Variants in DCC observed in about 807,000 individuals in gnomAD.
DCC encodes the protein DCC netrin 1 receptor, also known as netrin receptor DCC.
A neutral mutation model predicts 172.5 loss-of-function variants in DCC; 58 were observed. That is an observed-to-expected ratio of 0.34 (90% CI 0.27 to 0.42). DCC has a LOEUF of 0.42. Among genes scored for constraint, DCC ranks in the 10% least tolerant of loss-of-function variants. The pLI, the probability that DCC is intolerant of heterozygous loss-of-function variation, is 1.00. For missense variants in DCC, 1,740 were observed against 1,791.0 expected, an observed-to-expected ratio of 0.97 and a Z score of 0.51; for synonymous variants, 709 against 644.5, an observed-to-expected ratio of 1.10 and a Z score of -1.52.
At chr18:52,510,848 G>C (rs1337371356) in intron 1 of DCC, among the ~76,000 whole-genome samples, 1 of 152,048 alleles carries the variant, frequency 6.6e-6, no homozygotes, top group Non-Finnish European at 1.5e-5. Context: ...TTTCTGTATG[G>C]TGAACTCAGC....
chr18:52,730,117 A>G (rs2036615005), intron 1 of DCC, among the ~76,000 whole-genome samples: 1 of 152,204 alleles, frequency 6.6e-6, no homozygotes, highest in Admixed American at 6.5e-5. Flanking sequence ...AAAAATGAAT[A>G]TTACCTATGA....
At position 52,865,101 on chromosome 18, in the gene DCC, G is replaced by A. The variant is rs908427437; in HGVS notation, c.413-40943G>A. Reference sequence around the variant, plus strand: ...AGGATGGTCTTGATCTCCTGACCTCGTGATCCTCCCGCCTTGGCCTCCCAA... The same window carrying A: ...AGGATGGTCTTGATCTCCTGACCTCATGATCCTCCCGCCTTGGCCTCCCAA... On this transcript the variant is annotated intron_variant, in intron 2 of 28. Coordinates refer to ENST00000442544, the MANE Select transcript of DCC (RefSeq NM_005215.4). Among the ~76,000 whole-genome samples the A allele has an allele frequency of 3.7e-4, 57 of 152,042 alleles. 1 individual carries two copies. The highest frequency in any genetic ancestry group is 4.6e-4 in the Admixed American group (7 of 15,282).
chr18:52,935,751 G>T (rs1019182149), intron 5 of DCC, among the ~76,000 whole-genome samples: 3 of 152,022 alleles, frequency 2.0e-5, no homozygotes, highest in African/African-American at 7.2e-5. Context: ...TGAGTTTTAG[G>T]TTTAGGCTCT....
intron 12 of DCC, among the ~76,000 whole-genome samples, chr18:53,223,820 G>A (rs540186902): frequency 6.6e-6 from 1 of 152,110 alleles, no homozygotes; most frequent in Admixed American, 6.6e-5. Flanking sequence ...ACATTAACAC[G>A]AGCTATTTTA....
intron 1 of DCC, among the ~76,000 whole-genome samples, chr18:52,737,968 C>T (rs2036754498): frequency 6.6e-6 from 1 of 152,202 alleles, no homozygotes; most frequent in African/African-American, 2.4e-5. Flanking sequence ...GACTACAGCC[C>T]AAAGGAGGGC....
intron 1 of DCC, among the ~76,000 whole-genome samples, chr18:52,715,411 T>A (rs2036363771): frequency 6.6e-6 from 1 of 151,934 alleles, no homozygotes; most frequent in Non-Finnish European, 1.5e-5. Context: ...GTGATTCTTG[T>A]GCCTCAGCCT....
At chr18:53,387,088 A>T (rs1395142272) in intron 16 of DCC, among the ~76,000 whole-genome samples, 10 of 152,216 alleles carry the variant, frequency 6.6e-5, no homozygotes, top group Admixed American at 6.5e-4. Context: ...GATAGCAAGC[A>T]TCGGAGAACG....
chr18:52,710,232 G>T (rs986872057), intron 1 of DCC, among the ~76,000 whole-genome samples: 1 of 152,140 alleles, frequency 6.6e-6, no homozygotes, highest in Non-Finnish European at 1.5e-5. Context: ...CAGTATAATC[G>T]TAAGACAGAA....
intron 20 of DCC, among the ~76,000 whole-genome samples, chr18:53,415,195 A>G (rs1018595291): frequency 9.8e-5 from 15 of 152,304 alleles, no homozygotes; most frequent in Middle Eastern, 3.4e-3. Flanking sequence ...CTGATGAGAG[A>G]CTGTATTATC....
intron 3 of DCC, among the ~76,000 whole-genome samples, chr18:52,919,426 T>C (rs927943692): frequency 6.6e-6 from 1 of 152,204 alleles, no homozygotes; most frequent in African/African-American, 2.4e-5. Flanking sequence ...CTATTTGAAC[T>C]TATCAAATGA....
intron 2 of DCC, among the ~76,000 whole-genome samples, chr18:52,790,090 A>G (rs2037731423): frequency 6.6e-6 from 1 of 152,166 alleles, no homozygotes; most frequent in African/African-American, 2.4e-5. Flanking sequence ...TCACCCAGGA[A>G]CTGACTTAGC....
intron 1 of DCC, among the ~76,000 whole-genome samples, chr18:52,515,928 G>GAAA (rs34820684): frequency 1.1e-3 from 124 of 115,046 alleles, no homozygotes; most frequent in African/African-American, 4.0e-3. Context: ...TTAGAAAATG[G>GAAA]AAAAAAAAAA....
At chr18:53,238,274 G>A (rs547432911) in intron 12 of DCC, among the ~76,000 whole-genome samples, 3 of 152,176 alleles carry the variant, frequency 2.0e-5, no homozygotes, top group Admixed American at 2.0e-4. Flanking sequence ...GGTGAATCAT[G>A]ACTCCTAGAA....
At chr18:52,708,415 C>T (rs981388905) in intron 1 of DCC, among the ~76,000 whole-genome samples, 10 of 147,590 alleles carry the variant, frequency 6.8e-5, no homozygotes, top group African/African-American at 2.5e-4. Context: ...GCACTCCAGC[C>T]TGGGCAATAG....
chr18:53,249,036 CTG>C (rs1250181794), intron 12 of DCC, among the ~76,000 whole-genome samples: 1 of 151,924 alleles, frequency 6.6e-6, no homozygotes, highest in African/African-American at 2.4e-5. Context: ...TAGAGTTAGT[CTG>C]TATTCCTTTC....
chr18:52,844,470 G>C (rs770515353), intron 2 of DCC, among the ~76,000 whole-genome samples: 8 of 152,152 alleles, frequency 5.3e-5, no homozygotes, highest in Non-Finnish European at 1.2e-4. Flanking sequence ...CACACACATA[G>C]TAATTGGCCT....
At chr18:53,004,521 T>G (rs866299341) in intron 5 of DCC, among the ~76,000 whole-genome samples, 2 of 152,172 alleles carry the variant, frequency 1.3e-5, no homozygotes, top group South Asian at 4.1e-4. Context: ...TGTGTGATTA[T>G]GAAAGATTTT....
At chr18:52,487,300 G>T (rs1414198404) in intron 1 of DCC, among the ~76,000 whole-genome samples, 1 of 152,088 alleles carries the variant, frequency 6.6e-6, no homozygotes, top group East Asian at 1.9e-4. Flanking sequence ...AGGGCTCAAA[G>T]TGTTGAAAAT....
intron 1 of DCC, among the ~76,000 whole-genome samples, chr18:52,470,983 C>G (rs953605759): frequency 6.6e-6 from 1 of 152,168 alleles, no homozygotes; most frequent in East Asian, 1.9e-4. Flanking sequence ...AGTACTGAGG[C>G]AATCCTCAGT....
Sources: allele counts gnomAD v4.1 joint callset (sites outside exome capture counted in the v4.1 genomes callset), GRCh38; gene constraint gnomAD v4.1.1; transcripts MANE v1.5; gene names NCBI Gene and HGNC (gene_info 2026-07-23, HGNC 2026-07-21).